Variants in ALKBH5 observed in about 807,000 individuals in gnomAD.
ALKBH5 encodes RNA demethylase ALKBH5.
Under a neutral mutation model 32.1 loss-of-function variants are expected in ALKBH5, and 2 were observed. The ratio of observed to expected loss-of-function variants is 0.06; its 90% CI spans 0.03 to 0.20. ALKBH5 has a LOEUF of 0.20. ALKBH5 is among the 10% of genes least tolerant of loss of function. ALKBH5 has a pLI of 1.00. For missense variants in ALKBH5, 352 were observed against 559.5 expected, an observed-to-expected ratio of 0.63 and a Z score of 3.74; for synonymous variants, 300 against 231.7, an observed-to-expected ratio of 1.29 and a Z score of -2.68.
At chr17:18,200,544 C>T (rs1412208729) in intron 2 of ALKBH5, among the ~76,000 whole-genome samples, 2 of 152,178 alleles carry the variant, frequency 1.3e-5, no homozygotes, top group Non-Finnish European at 2.9e-5. Flanking sequence ...CTGGAGATCC[C>T]TTTGCCAAGT....
rs1166463153 is a variant in ALKBH5 at position 18,209,878 on chromosome 17, A to G, written c.*1482A>G. 6.6e-6 allele frequency: 1 copy of G among 152,612 alleles called. No homozygotes were observed. Among genetic ancestry groups the G allele is most frequent in the Non-Finnish European group, 1.5e-5 (1 of 68,036 alleles). The allele number at this position is 152,612 out of a possible 1,614,324, so 9.5% of individuals were successfully genotyped here. A position where few individuals can be genotyped will look rare whatever the true frequency, so the allele number is the denominator to read the frequency against. ...TTTTACAGCTTTTTTCCCAAAAATG[A>G]TTTGTAGTTGTGTGTGCAGCACTTC... On this transcript the variant is annotated 3_prime_UTR_variant, in exon 4 of 4. Coordinates refer to ENST00000399138, the MANE Select transcript of ALKBH5 (RefSeq NM_017758.4).
In ALKBH5 at chr17:18,184,356, T is replaced by A. The variant is rs887898438; in HGVS notation, c.113T>A (p.Val38Glu). 1 of 1,517,802 alleles carries A rather than the reference T, an allele frequency of 6.6e-7. No individual in the cohort carries two copies. The highest frequency in any genetic ancestry group is 8.8e-7 in the Non-Finnish European group (1 of 1,135,714). The allele number at this position is 1,517,802 out of a possible 1,614,324, so 94.0% of individuals were successfully genotyped here. ...GCCGCCGCCGCTGCCGCAGCCGCCG[T>A]AGCCGCCGCAGCCGCAGCCGCCGCT... ...REAAAAAAAAVAAAAAAAAAA... is the reference protein window; with the variant it reads ...REAAAAAAAAEAAAAAAAAAA... Residue 38 changes from valine (V) to glutamate (E), a missense_variant, in exon 1 of 4, where the codon GTA becomes GAA. By Grantham distance (121) the Val-to-Glu change is moderately radical. This residue lies in a region of ALKBH5 where 144 missense variants were observed against 125.8 expected (regional missense o/e 1.14). Transcript: ENST00000399138.
intron 2 of ALKBH5, chr17:18,206,470 A>G: frequency 5.1e-6 from 1 of 196,608 alleles, no homozygotes; most frequent in Non-Finnish European, 1.0e-5. Context: ...AATGAAGTAG[A>G]TGGCCCCAGA....
At position 18,209,584 on chromosome 17, in the gene ALKBH5, G is replaced by A. The variant is rs533524265; in HGVS notation, c.*1188G>A. 2.2e-4 allele frequency: 33 copies of A among 152,368 alleles called. No individual in the cohort carries two copies. Among genetic ancestry groups the A allele is most frequent in the African/African-American group, 7.9e-4 (33 of 41,582 alleles). The allele number at this position is 152,368 out of a possible 1,614,324, so 9.4% of individuals were successfully genotyped here. ...CTATCCACTCAGATCCTGGAAGGCA[G>A]CAAGGTTTTGTGGATCTAGATTCAT... On this transcript the variant is annotated 3_prime_UTR_variant, in exon 4 of 4. Coordinates refer to ENST00000399138, the MANE Select transcript of ALKBH5 (RefSeq NM_017758.4).
At chr17:18,190,850 GC>G in intron 1 of ALKBH5, among the ~76,000 whole-genome samples, 1 of 152,242 alleles carries the variant, frequency 6.6e-6, no homozygotes, top group South Asian at 2.1e-4. Flanking sequence ...TCAGGGAAAG[GC>G]CCCCAAAAGA....
At position 18,208,695 on chromosome 17, in the gene ALKBH5, T is replaced by C; in HGVS notation, c.*299T>C. The C allele has an allele frequency of 2.0e-6, 1 of 512,596 alleles. No individual in the cohort carries two copies. The highest frequency in any genetic ancestry group is 3.6e-6 in the Non-Finnish European group (1 of 281,432). The allele number at this position is 512,596 out of a possible 1,614,324, so 31.8% of individuals were successfully genotyped here. On this transcript the variant is annotated 3_prime_UTR_variant, in exon 4 of 4. Transcript: ENST00000399138. ...AGGTGGTGGAGCAGAGCAGCCATCT[T>C]TTAAGTGGGGCTGTATCAGGCTGGG...
chr17:18,204,637 C>T (rs1177001268), intron 2 of ALKBH5, among the ~76,000 whole-genome samples: 7 of 152,042 alleles, frequency 4.6e-5, no homozygotes, highest in Admixed American at 4.6e-4. Flanking sequence ...CAGCGGGTAC[C>T]TATAATCTCA....
At chr17:18,203,336 C>T (rs1326235058) in intron 2 of ALKBH5, among the ~76,000 whole-genome samples, 1 of 152,138 alleles carries the variant, frequency 6.6e-6, no homozygotes, top group East Asian at 1.9e-4. Context: ...AATAATTCAC[C>T]CCAGCAGCTT....
intron 1 of ALKBH5, among the ~76,000 whole-genome samples, chr17:18,189,104 G>A (rs112083117): frequency 1.3e-5 from 2 of 151,892 alleles, no homozygotes; most frequent in Admixed American, 6.6e-5. Flanking sequence ...AAGGCCGGGC[G>A]CGGTGGCTCA....
chr17:18,187,541 T>C (rs970081994), intron 1 of ALKBH5, among the ~76,000 whole-genome samples: 3 of 152,206 alleles, frequency 2.0e-5, no homozygotes, highest in Non-Finnish European at 2.9e-5. Flanking sequence ...AACCAGAAAG[T>C]GTCCAGACAC....
chr17:18,202,355 G>A (rs1262444276), intron 2 of ALKBH5, among the ~76,000 whole-genome samples: 1 of 152,096 alleles, frequency 6.6e-6, no homozygotes, highest in Non-Finnish European at 1.5e-5. Flanking sequence ...GATGTTGGCA[G>A]GGGGCTGGTG....
intron 2 of ALKBH5, among the ~76,000 whole-genome samples, chr17:18,199,047 A>C (rs887700716): frequency 5.3e-5 from 8 of 152,148 alleles, no homozygotes. Context: ...TGAGTTAGGA[A>C]ACTGGAGCTC....
At chr17:18,185,259 T>C (rs2047131136) in intron 1 of ALKBH5, among the ~76,000 whole-genome samples, 1 of 152,166 alleles carries the variant, frequency 6.6e-6, no homozygotes, top group Non-Finnish European at 1.5e-5. Flanking sequence ...TGGCTGAGAA[T>C]TCATCGAAAG....
At position 18,208,512 on chromosome 17, in the gene ALKBH5, T is replaced by G; in HGVS notation, c.*116T>G. On this transcript the variant is annotated 3_prime_UTR_variant, in exon 4 of 4. Transcript: ENST00000399138. Reference sequence around the variant, plus strand: ...GGTTTTTGTTTTTTGTTTTTTGTTTTTTTTGATTCTATATATTTTTCCTTG... The same window carrying G: ...GGTTTTTGTTTTTTGTTTTTTGTTTGTTTTGATTCTATATATTTTTCCTTG... The G allele has an allele frequency of 3.3e-6, 4 of 1,214,742 alleles. No individual in the cohort carries two copies. Among genetic ancestry groups the G allele is most frequent in the Non-Finnish European group, 4.7e-6 (4 of 853,766 alleles). 75.2% of individuals were successfully genotyped at this position (1,214,742 alleles called of 1,614,324 possible).
intron 2 of ALKBH5, among the ~76,000 whole-genome samples, chr17:18,204,894 G>A (rs1490097217): frequency 6.6e-6 from 1 of 151,082 alleles, no homozygotes; most frequent in Non-Finnish European, 1.5e-5. Context: ...ACCCTGTCTC[G>A]CCAAAAAAAA....
In ALKBH5 at chr17:18,208,318, C is replaced by G. The variant is rs758704671; in HGVS notation, c.1107C>G (p.Arg369=). The change falls in exon 4 of 4, where the codon CGC becomes CGG. Residue 369 remains arginine (R), a synonymous_variant. Coordinates refer to ENST00000399138, the MANE Select transcript of ALKBH5 (RefSeq NM_017758.4). ...GCTTCAGCTCTGAGAACTACTGGCG[C>G]AAGTCATACGAGTCCTCAGAGGACT... is the stretch of plus-strand genomic sequence containing the variant. ...RGSFSSENYW[R]KSYESSEDCS... 1 of 1,614,084 alleles carries G rather than the reference C, an allele frequency of 6.2e-7. No homozygotes were observed. Among genetic ancestry groups the G allele is most frequent in the Admixed American group, 1.7e-5 (1 of 60,008 alleles).
chr17:18,203,176 T>G (rs775860931), intron 2 of ALKBH5, among the ~76,000 whole-genome samples: 1 of 151,726 alleles, frequency 6.6e-6, no homozygotes, highest in Non-Finnish European at 1.5e-5. Flanking sequence ...TACCTTGGCC[T>G]CCCAAAGTGC....
intron 2 of ALKBH5, among the ~76,000 whole-genome samples, chr17:18,202,651 G>A (rs1567676970): frequency 6.6e-6 from 1 of 152,052 alleles, no homozygotes. Context: ...GACTGCCCTC[G>A]CTCCAGAGTC....
intron 2 of ALKBH5, among the ~76,000 whole-genome samples, chr17:18,202,767 A>AT (rs2047249171): frequency 6.6e-6 from 1 of 151,210 alleles, no homozygotes; most frequent in African/African-American, 2.4e-5. Flanking sequence ...CCTGCACTTT[A>AT]TTTTTTAATT....
Sources: gnomAD v4.1 joint callset for allele counts (sites outside exome capture counted in the v4.1 genomes callset) on GRCh38, gnomAD v4.1.1 for gene constraint, gnomAD v4.1.1 regional missense constraint, MANE v1.5 for transcripts, NCBI Gene and HGNC (gene_info 2026-07-23, HGNC 2026-07-21) for gene names.